The following TRPC3 variants were observed in gnomAD, a reference collection of about 807,000 sequenced individuals.
TRPC3 encodes short transient receptor potential channel 3.
Under a neutral mutation model 90.9 loss-of-function variants are expected in TRPC3, and 54 were observed. That is an observed-to-expected ratio of 0.59 (90% CI 0.48 to 0.75). The LOEUF is 0.75. Ranked by LOEUF, TRPC3 falls within the 30% of genes least tolerant of loss-of-function variation. The pLI, the probability that TRPC3 is intolerant of heterozygous loss-of-function variation, is 0.00. For missense variants in TRPC3, 918 were observed against 1,194.5 expected, an observed-to-expected ratio of 0.77 and a Z score of 3.41; for synonymous variants, 424 against 450.9, an observed-to-expected ratio of 0.94 and a Z score of 0.75.
Position 121,914,648 on chromosome 4 carries a change from A to T in TRPC3, c.1341+132T>A. ...AATTGATCCAGTAATTAAAAAGGAG[A>T]ATCTGTGTTCTTGAATCAATTAACA... On this transcript the variant is annotated intron_variant, in intron 4 of 11. Transcript: ENST00000379645. 3.1e-6 allele frequency: 3 copies of T among 978,318 alleles called. No homozygotes were observed. In the Admixed American group the frequency reaches 9.1e-5, roughly 30 times the overall value. 60.6% of individuals were successfully genotyped at this position (978,318 alleles called of 1,614,324 possible).
intron 11 of TRPC3, among the ~76,000 whole-genome samples, chr4:121,881,138 T>C (rs997277312): frequency 2.0e-5 from 3 of 152,148 alleles, no homozygotes; most frequent in Non-Finnish European, 2.9e-5. Context: ...CCCCGACTCA[T>C]GGGGAGACTA....
At position 121,900,074 on chromosome 4, in the gene TRPC3, C is replaced by G. The variant is rs192519166; in HGVS notation, c.2464-379G>C. On this transcript the variant is annotated intron_variant, in intron 9 of 11. Coordinates refer to ENST00000379645, the MANE Select transcript of TRPC3 (RefSeq NM_001130698.2). ...CTGTTCCTGAGCCTAAGTTCCTCTT[C>G]TAGATTTGAATAGAAACATATTGCA... Among the ~76,000 whole-genome samples the G allele has an allele frequency of 5.7e-3, 866 of 152,234 alleles. 3 individuals carry two copies. Among genetic ancestry groups the G allele is most frequent in the Non-Finnish European group, 0.011 (721 of 68,024 alleles).
At chr4:121,938,795 C>A (rs1347293923) in intron 1 of TRPC3, among the ~76,000 whole-genome samples, 1 of 152,118 alleles carries the variant, frequency 6.6e-6, no homozygotes, top group Non-Finnish European at 1.5e-5. Context: ...GACAACTATG[C>A]CCAGCATCTT....
At chr4:121,946,154 A>G (rs1730478996) in intron 1 of TRPC3, among the ~76,000 whole-genome samples, 1 of 152,228 alleles carries the variant, frequency 6.6e-6, no homozygotes, top group African/African-American at 2.4e-5. Context: ...AATAGTGGTT[A>G]GGAAAACTTC....
Position 121,914,951 on chromosome 4 carries a change from G to GGA in TRPC3, c.1177-9_1177-8dup. The GGA allele has an allele frequency of 1.3e-6, 2 of 1,588,356 alleles. No homozygotes were observed. The highest frequency in any genetic ancestry group is 1.1e-5 in the South Asian group (1 of 88,976). ...AGTTGGGATGAGCCACAAACTATTG[G>GGA]GAGAGAGAGAGTTTGAGAAGGGGAG... On this transcript the variant is annotated splice_region_variant and splice_polypyrimidine_tract_variant and intron_variant, in intron 3 of 11. Transcript: ENST00000379645.
chr4:121,927,689 T>A (rs1043313627), intron 2 of TRPC3, among the ~76,000 whole-genome samples: 1 of 152,210 alleles, frequency 6.6e-6, no homozygotes, highest in African/African-American at 2.4e-5. Context: ...CTACACAGAT[T>A]AGAATAGTTT....
chr4:121,917,137 C>T lies in TRPC3; in HGVS notation c.1177-2193G>A, dbSNP rs560533581. Among the ~76,000 whole-genome samples the T allele has an allele frequency of 7.9e-5, 12 of 152,294 alleles. No individual in the cohort carries two copies. The South Asian group carries it at 2.5e-3, about 32-fold the overall frequency. On this transcript the variant is annotated intron_variant, in intron 3 of 11. Coordinates refer to ENST00000379645, the MANE Select transcript of TRPC3 (RefSeq NM_001130698.2). ...CCATTCAGTTTTCAAAATCCCAGGT[C>T]CTGATTTTCAGTAGCTGCTAGTTGC...
chr4:121,913,171 A>T (rs1355350933), intron 4 of TRPC3, among the ~76,000 whole-genome samples: 1 of 152,228 alleles, frequency 6.6e-6, no homozygotes, highest in Non-Finnish European at 1.5e-5. Flanking sequence ...AAGAATAAAC[A>T]ACACATTTAC....
intron 1 of TRPC3, among the ~76,000 whole-genome samples, chr4:121,939,939 CAG>C (rs1730247870): frequency 6.6e-6 from 1 of 152,156 alleles, no homozygotes; most frequent in Non-Finnish European, 1.5e-5. Flanking sequence ...CCAGATGTGA[CAG>C]AGAAGAGCAG....
Position 121,951,898 on chromosome 4 carries a change from C to T in TRPC3, c.-218G>A, listed in dbSNP as rs903320596. 1 of 362,064 alleles carries T rather than the reference C, an allele frequency of 2.8e-6. No individual in the cohort carries two copies. Among genetic ancestry groups the T allele is most frequent in the Non-Finnish European group, 4.9e-6 (1 of 204,858 alleles). The allele number at this position is 362,064 out of a possible 1,614,324, so 22.4% of individuals were successfully genotyped here. On this transcript the variant is annotated 5_prime_UTR_variant, in exon 1 of 12. Coordinates refer to ENST00000379645, the MANE Select transcript of TRPC3 (RefSeq NM_001130698.2). This position sits in a 1 kb window ranked among gnomAD's most constrained non-coding sequence, Gnocchi z 4.4. ...GAGCTGCCGCCGCCCACCATCAAAC[C>T]GTGGGAGCAGCTGCCGCGGCCGTGG...
intron 7 of TRPC3, 53 bp downstream of exon 7, chr4:121,907,250 G>T: frequency 1.3e-6 from 2 of 1,496,498 alleles, no homozygotes; most frequent in Admixed American, 2.2e-5. Context: ...GCTTCCTCTA[G>T]ATTGGTTAGA....
intron 1 of TRPC3, among the ~76,000 whole-genome samples, chr4:121,945,247 C>T (rs907079989): frequency 1.3e-5 from 2 of 152,090 alleles, no homozygotes; most frequent in Non-Finnish European, 1.5e-5. Context: ...AATGTTAGGG[C>T]TTAAATAAAC....
At chr4:121,901,497 AT>A (rs766820174) in intron 9 of TRPC3, among the ~76,000 whole-genome samples, 56 of 152,350 alleles carry the variant, frequency 3.7e-4, no homozygotes, top group Non-Finnish European at 4.9e-4. Context: ...GCATAAGCAA[AT>A]TATCTGAATA....
chr4:121,928,343 A>G (rs1346961931), intron 2 of TRPC3, among the ~76,000 whole-genome samples: 1 of 152,244 alleles, frequency 6.6e-6, no homozygotes, highest in African/African-American at 2.4e-5. Context: ...GAGTGCAGAA[A>G]ATAATCAGAG....
rs540310708 is a variant in TRPC3 at position 121,903,833 on chromosome 4, T to C, written c.2253+489A>G. Among the ~76,000 whole-genome samples, 8 of 152,252 alleles carry C rather than the reference T, an allele frequency of 5.3e-5. 1 individual carries two copies. In the South Asian group the frequency reaches 1.2e-3, roughly 24 times the overall value. On this transcript the variant is annotated intron_variant, in intron 8 of 11. Coordinates refer to ENST00000379645, the MANE Select transcript of TRPC3 (RefSeq NM_001130698.2). ...AAAGCACTAAAAAGATACTGAAAAC[T>C]GAACTGAAGGACATAAGAAAACATA...
chr4:121,882,422 A>G lies in TRPC3; in HGVS notation c.2555T>C (p.Met852Thr), dbSNP rs1727974925. 3 of 1,609,596 alleles carry G rather than the reference A, an allele frequency of 1.9e-6. No individual in the cohort carries two copies. The highest frequency in any genetic ancestry group is 1.7e-6 in the Non-Finnish European group (2 of 1,178,330). The change falls in exon 11 of 12, where the codon ATG becomes ACG. Residue 852 changes from methionine to threonine, a missense_variant. By Grantham distance (81) the Met-to-Thr change is moderately conservative (BLOSUM62 -1). Coordinates refer to ENST00000379645, the MANE Select transcript of TRPC3 (RefSeq NM_001130698.2). ...AACATACCGCTTTATAAGTCTTTTC[A>G]TTATCTGCTGTTGGGCAAAAGTAAA... Reference protein sequence around the residue: ...LNQPTRYQQIMKRLIKRYVLK... With the variant: ...LNQPTRYQQITKRLIKRYVLK...
Position 121,876,910 on chromosome 4 carries a change from G to A in TRPC3, c.*2826C>T, listed in dbSNP as rs1727776785. ...AGAAAAAAATAAGAATAGCAAAGAG[G>A]TAAAAAATGAGAGATGTCCTAAGGA... is the stretch of plus-strand genomic sequence containing the variant. On this transcript the variant is annotated 3_prime_UTR_variant, in exon 12 of 12. Transcript: ENST00000379645. Among the ~76,000 whole-genome samples, 1 of 152,140 alleles carries A rather than the reference G, an allele frequency of 6.6e-6. No individual in the cohort carries two copies. The highest frequency in any genetic ancestry group is 1.5e-5 in the Non-Finnish European group (1 of 68,020).
intron 1 of TRPC3, 87 bp from the exon 2 acceptor site, chr4:121,933,129 C>G (rs1461252211): frequency 6.8e-7 from 1 of 1,461,316 alleles, no homozygotes; most frequent in Non-Finnish European, 9.1e-7. Context: ...GGAATACACA[C>G]TACCCACTGC....
At chr4:121,881,626 A>G (rs896897251) in intron 11 of TRPC3, among the ~76,000 whole-genome samples, 2 of 152,224 alleles carry the variant, frequency 1.3e-5, no homozygotes, top group Non-Finnish European at 2.9e-5. Flanking sequence ...AAGCCTATGA[A>G]CAATTTTATT....
Sources: gnomAD v4.1 joint callset for allele counts (sites outside exome capture counted in the v4.1 genomes callset) on GRCh38, gnomAD v4.1.1 for gene constraint, Gnocchi (gnomAD v3.1) non-coding constraint, MANE v1.5 for transcripts, NCBI Gene and HGNC (gene_info 2026-07-23, HGNC 2026-07-21) for gene names.